Variants in PIEZO2 observed in about 807,000 individuals in gnomAD.
The protein encoded by PIEZO2 is piezo type mechanosensitive ion channel component 2, also known as piezo-type mechanosensitive ion channel component 2.
Under a neutral mutation model 337.3 loss-of-function variants are expected in PIEZO2, and 172 were observed. The ratio of observed to expected loss-of-function variants is 0.51; its 90% CI spans 0.45 to 0.58. PIEZO2 has a LOEUF of 0.58. Ranked by LOEUF, PIEZO2 falls within the 20% of genes least tolerant of loss-of-function variation. The probability of loss-of-function intolerance (pLI) is 0.00; values close to 1 mark genes in which losing one functional copy is unlikely to be tolerated. For missense variants in PIEZO2, 3,028 were observed against 3,391.3 expected, an observed-to-expected ratio of 0.89 and a Z score of 2.66; for synonymous variants, 1,251 against 1,228.5, an observed-to-expected ratio of 1.02 and a Z score of -0.38.
chr18:10,758,827 C>G (rs2037997924), intron 26 of PIEZO2, among the ~76,000 whole-genome samples: 2 of 152,194 alleles, frequency 1.3e-5, no homozygotes, highest in South Asian at 4.1e-4. Flanking sequence ...CACAGCGCAG[C>G]CTGAGAGAGC....
intron 1 of PIEZO2, among the ~76,000 whole-genome samples, chr18:11,108,039 G>A (rs1047430783): frequency 1.3e-5 from 2 of 152,136 alleles, no homozygotes; most frequent in African/African-American, 4.8e-5. Flanking sequence ...TCATTCACTA[G>A]TATTTGTTAT....
intron 1 of PIEZO2, among the ~76,000 whole-genome samples, chr18:11,113,271 C>T (rs1423518941): frequency 6.6e-6 from 1 of 152,214 alleles, no homozygotes; most frequent in Non-Finnish European, 1.5e-5. Context: ...GTATTTACCT[C>T]CAAGGCCAGA....
chr18:10,736,747 A>C, intron 33 of PIEZO2, 37 bp from the exon 34 acceptor site: 1 of 1,526,184 alleles, frequency 6.6e-7, no homozygotes, highest in Non-Finnish European at 8.8e-7. Context: ...TTCTTGAAAG[A>C]CATATAAGGA....
At chr18:11,008,810 G>A (rs2035802204) in intron 2 of PIEZO2, among the ~76,000 whole-genome samples, 1 of 152,186 alleles carries the variant, frequency 6.6e-6, no homozygotes, top group Admixed American at 6.5e-5. Context: ...GGGGGTGACA[G>A]GCCAGCTAGG....
At position 10,940,585 on chromosome 18, in the gene PIEZO2, C is replaced by T. The variant is rs1019574762; in HGVS notation, c.287-29357G>A. Among the ~76,000 whole-genome samples, 3 of 152,164 alleles carry T rather than the reference C, an allele frequency of 2.0e-5. No homozygotes were observed. The highest frequency in any genetic ancestry group is 1.9e-4 in the East Asian group (1 of 5,192). Reference sequence around the variant, plus strand: ...TTCACATGTCTAAAAGAATTCAGGCCGGGCACTGCTGCTCATGCCTGTAAT... The same window carrying T: ...TTCACATGTCTAAAAGAATTCAGGCTGGGCACTGCTGCTCATGCCTGTAAT... On this transcript the variant is annotated intron_variant, in intron 3 of 55. Transcript: ENST00000674853. This position sits in a 1 kb window ranked among gnomAD's most constrained non-coding sequence, Gnocchi z 5.3.
At chr18:11,123,959 G>A (rs2040108213) in intron 1 of PIEZO2, among the ~76,000 whole-genome samples, 1 of 152,182 alleles carries the variant, frequency 6.6e-6, no homozygotes, top group South Asian at 2.1e-4. Flanking sequence ...AAGTATGTGA[G>A]ATAATGTTAA....
intron 2 of PIEZO2, among the ~76,000 whole-genome samples, chr18:11,015,868 T>A (rs1004413031): frequency 6.6e-6 from 1 of 152,266 alleles, no homozygotes; most frequent in South Asian, 2.1e-4. Context: ...ACTGTTCACA[T>A]GCACACATGT....
chr18:10,782,737 C>A (rs2039075792), intron 17 of PIEZO2, among the ~76,000 whole-genome samples: 2 of 151,516 alleles, frequency 1.3e-5, no homozygotes, highest in South Asian at 4.2e-4. Context: ...TCTTCTCTGC[C>A]ATGGGGTGCA....
intron 42 of PIEZO2, among the ~76,000 whole-genome samples, chr18:10,704,132 C>T (rs2035461654): frequency 6.6e-6 from 1 of 152,174 alleles, no homozygotes; most frequent in African/African-American, 2.4e-5. Flanking sequence ...ATGCTGTGTC[C>T]TTATCTGTTA....
chr18:10,763,233 G>T (rs1185785953), intron 21 of PIEZO2, 135 bp from the exon 22 acceptor site: 3 of 907,464 alleles, frequency 3.3e-6, no homozygotes, highest in Non-Finnish European at 4.9e-6. Context: ...GCAAGGAATT[G>T]CCCTAGGTGC....
chr18:10,902,965 G>A (rs566826357), intron 4 of PIEZO2, among the ~76,000 whole-genome samples: 1 of 152,276 alleles, frequency 6.6e-6, no homozygotes, highest in East Asian at 1.9e-4. Context: ...TGGGGAGCTG[G>A]TGCATTTGTA....
chr18:11,015,958 A>G (rs2036105541), intron 2 of PIEZO2, among the ~76,000 whole-genome samples: 1 of 152,162 alleles, frequency 6.6e-6, no homozygotes, highest in Admixed American at 6.5e-5. Flanking sequence ...TTCAATCACA[A>G]TTTGCAAATC....
chr18:10,922,962 G>A (rs547741788), intron 3 of PIEZO2, among the ~76,000 whole-genome samples: 1 of 152,234 alleles, frequency 6.6e-6, no homozygotes, highest in East Asian at 1.9e-4. Context: ...ATTCTGAGCT[G>A]CCTTTGAATG....
intron 3 of PIEZO2, among the ~76,000 whole-genome samples, chr18:10,920,354 C>T (rs1245634601): frequency 1.3e-5 from 2 of 152,090 alleles, no homozygotes; most frequent in African/African-American, 4.8e-5. Context: ...AGATACGGCA[C>T]TCGTCAGCAA....
chr18:10,762,907 A>T lies in PIEZO2; in HGVS notation c.3123+15T>A. On this transcript the variant is annotated intron_variant, in intron 22 of 55. Transcript: ENST00000674853. ...AAAGGGCAGTCAGGAATATTCCCCC[A>T]TCACCGAGGCTCACCAAGGAACAGT... is the stretch of plus-strand genomic sequence containing the variant. 6.5e-7 allele frequency: 1 copy of T among 1,534,962 alleles called. No homozygotes were observed.
At chr18:10,763,149 C>T (rs1009065187) in intron 21 of PIEZO2, 51 bp from the exon 22 acceptor site, 2 of 1,497,642 alleles carry the variant, frequency 1.3e-6, no homozygotes, top group South Asian at 1.2e-5. Context: ...CACGGCATAA[C>T]AAACAGGACA....
intron 33 of PIEZO2, 24 bp from the exon 34 acceptor site, chr18:10,736,734 C>A (rs2037011275): frequency 1.3e-6 from 2 of 1,531,794 alleles, no homozygotes; most frequent in Non-Finnish European, 8.7e-7. Flanking sequence ...AATATTCACT[C>A]ATTTCTTGAA....
intron 1 of PIEZO2, among the ~76,000 whole-genome samples, chr18:11,124,803 T>A (rs1284162131): frequency 6.6e-6 from 1 of 152,284 alleles, no homozygotes; most frequent in African/African-American, 2.4e-5. Context: ...ACACTTTAAA[T>A]GCCAGTGCTC....
chr18:10,674,890 G>T (rs1024242714), intron 54 of PIEZO2, among the ~76,000 whole-genome samples: 2 of 152,204 alleles, frequency 1.3e-5, no homozygotes, highest in Non-Finnish European at 2.9e-5. Flanking sequence ...AGCAATGTAT[G>T]AGGCAGTTTC....
Sources: gnomAD v4.1 joint callset for allele counts (sites outside exome capture counted in the v4.1 genomes callset) on GRCh38, gnomAD v4.1.1 for gene constraint, Gnocchi (gnomAD v3.1) non-coding constraint, MANE v1.5 for transcripts, NCBI Gene and HGNC (gene_info 2026-07-23, HGNC 2026-07-21) for gene names.